The following CSMD3 variants were observed in gnomAD, a reference collection of about 807,000 sequenced individuals.
The protein encoded by CSMD3 is CUB and Sushi multiple domains 3.
In CSMD3, 177 loss-of-function variants were observed where a neutral mutation model predicts 435.2. The ratio of observed to expected loss-of-function variants is 0.41; its 90% CI spans 0.36 to 0.46. CSMD3 has a LOEUF of 0.46. Among genes scored for constraint, CSMD3 ranks in the 20% least tolerant of loss-of-function variants. The probability of loss-of-function intolerance (pLI) is 0.34; values close to 1 mark genes in which losing one functional copy is unlikely to be tolerated. For synonymous variants in CSMD3, 1,656 were observed against 1,520.5 expected, an observed-to-expected ratio of 1.09 and a Z score of -2.07; for missense variants, 4,265 against 4,504.6, an observed-to-expected ratio of 0.95 and a Z score of 1.52.
chr8:112,994,032 A>G (rs1476474229), intron 6 of CSMD3, among the ~76,000 whole-genome samples: 1 of 151,838 alleles, frequency 6.6e-6, no homozygotes, highest in Non-Finnish European at 1.5e-5. Flanking sequence ...AATGGGTTGT[A>G]GAGAGGCAAT....
chr8:112,880,557 G>A (rs1220499712), intron 10 of CSMD3, among the ~76,000 whole-genome samples: 1 of 152,002 alleles, frequency 6.6e-6, no homozygotes, highest in African/African-American at 2.4e-5. Context: ...CTTCTAGGCA[G>A]GGGGAAAGAC....
intron 16 of CSMD3, among the ~76,000 whole-genome samples, chr8:112,666,879 C>A (rs1022423419): frequency 2.6e-5 from 4 of 152,088 alleles, no homozygotes; most frequent in African/African-American, 9.7e-5. Flanking sequence ...TACCTTATTT[C>A]TCATCTGCTA....
intron 59 of CSMD3, among the ~76,000 whole-genome samples, chr8:112,270,354 G>GTT (rs1817369054): frequency 1.0e-5 from 1 of 96,070 alleles, no homozygotes; most frequent in Non-Finnish European, 1.9e-5. Context: ...GTGTGTGTGT[G>GTT]TGTGTGTGTG....
At chr8:113,239,177 G>T (rs1162321111) in intron 3 of CSMD3, among the ~76,000 whole-genome samples, 1 of 152,038 alleles carries the variant, frequency 6.6e-6, no homozygotes, top group South Asian at 2.1e-4. Flanking sequence ...CAGCTCTCAT[G>T]GTTATCAGGA....
intron 14 of CSMD3, among the ~76,000 whole-genome samples, chr8:112,687,202 A>G (rs2076032044): frequency 6.6e-6 from 1 of 152,020 alleles, no homozygotes; most frequent in Non-Finnish European, 1.5e-5. Flanking sequence ...CACCCGTAAC[A>G]GTATAAAATA....
intron 10 of CSMD3, among the ~76,000 whole-genome samples, chr8:112,911,830 A>G (rs1398041728): frequency 6.8e-6 from 1 of 147,892 alleles, no homozygotes; most frequent in Non-Finnish European, 1.5e-5. Flanking sequence ...TATAACATAT[A>G]TACATTATAT....
chr8:112,787,994 T>C (rs1005599440), intron 13 of CSMD3, among the ~76,000 whole-genome samples: 1 of 152,158 alleles, frequency 6.6e-6, no homozygotes, highest in African/African-American at 2.4e-5. Context: ...TTTGAAGTGA[T>C]GGATACCCCA....
chr8:113,221,438 G>A (rs2092965434), intron 3 of CSMD3, among the ~76,000 whole-genome samples: 1 of 150,232 alleles, frequency 6.7e-6, no homozygotes, highest in Admixed American at 6.7e-5. Flanking sequence ...GTAGATAATA[G>A]GTCAATCTGA....
chr8:112,328,857 C>G (rs147506681), intron 45 of CSMD3, among the ~76,000 whole-genome samples: 1 of 152,252 alleles, frequency 6.6e-6, no homozygotes, highest in African/African-American at 2.4e-5. Context: ...CTGAGGCCTT[C>G]CCAGTCATAT....
chr8:112,485,529 G>T (rs528747223), intron 31 of CSMD3, among the ~76,000 whole-genome samples: 1 of 152,116 alleles, frequency 6.6e-6, no homozygotes, highest in South Asian at 2.1e-4. Flanking sequence ...AAAAAATTTT[G>T]TAAACCTCAA....
chr8:113,339,278 C>A (rs2094100638), intron 1 of CSMD3, among the ~76,000 whole-genome samples: 1 of 151,820 alleles, frequency 6.6e-6, no homozygotes, highest in African/African-American at 2.4e-5. Context: ...ATATAAATGT[C>A]TCATTGTCTT....
chr8:112,425,802 CTGTG>C (rs1396995535), intron 32 of CSMD3, among the ~76,000 whole-genome samples: 1 of 151,888 alleles, frequency 6.6e-6, no homozygotes, highest in Non-Finnish European at 1.5e-5. Flanking sequence ...TTATTAAACT[CTGTG>C]TGTGTGTTAA....
At chr8:112,509,443 C>T (rs1822871134) in intron 28 of CSMD3, among the ~76,000 whole-genome samples, 2 of 152,210 alleles carry the variant, frequency 1.3e-5, no homozygotes, top group East Asian at 1.9e-4. Flanking sequence ...TCAACCATTG[C>T]CCCAATACAA....
intron 22 of CSMD3, among the ~76,000 whole-genome samples, chr8:112,592,027 G>A (rs1284410819): frequency 6.6e-6 from 1 of 151,804 alleles, no homozygotes; most frequent in Non-Finnish European, 1.5e-5. Context: ...TTTTTAAAAT[G>A]GGGCATCTAA....
At chr8:112,504,001 A>T in intron 29 of CSMD3, 24 bp from the exon 30 acceptor site, 2 of 1,420,090 alleles carry the variant, frequency 1.4e-6, no homozygotes, top group East Asian at 2.3e-5. Flanking sequence ...GGAAAGAACA[A>T]AAGAAAGAAA....
In CSMD3 at chr8:113,436,917, G is replaced by A. The variant is rs2130161588; in HGVS notation, c.-63C>T. On this transcript the variant is annotated 5_prime_UTR_variant, in exon 1 of 71. Transcript: ENST00000297405. ...GCGCAGTGGAGTTGTTGCTGTTGTT[G>A]GTGCGCGGTCACAGCTCGGAGTGAA... The A allele has an allele frequency of 6.3e-7, 1 of 1,586,762 alleles. No individual in the cohort carries two copies. Among genetic ancestry groups the A allele is most frequent in the Non-Finnish European group, 8.6e-7 (1 of 1,157,694 alleles).
At chr8:113,212,385 G>A (rs2092847203) in intron 3 of CSMD3, among the ~76,000 whole-genome samples, 1 of 152,042 alleles carries the variant, frequency 6.6e-6, no homozygotes, top group Non-Finnish European at 1.5e-5. Context: ...TAATTCATTT[G>A]CAAATAATTC....
chr8:113,078,047 A>G (rs2089417887), intron 5 of CSMD3, among the ~76,000 whole-genome samples: 1 of 152,198 alleles, frequency 6.6e-6, no homozygotes, highest in South Asian at 2.1e-4. Flanking sequence ...ACATGAGTAT[A>G]CCCAGGGCAA....
chr8:112,500,645 G>A (rs1821844494), intron 30 of CSMD3, among the ~76,000 whole-genome samples: 1 of 152,140 alleles, frequency 6.6e-6, no homozygotes, highest in Non-Finnish European at 1.5e-5. Context: ...CAGATAGTAA[G>A]GTTTTCCTTT....
Sources: allele counts gnomAD v4.1 joint callset (sites outside exome capture counted in the v4.1 genomes callset), GRCh38; gene constraint gnomAD v4.1.1; transcripts MANE v1.5; gene names NCBI Gene and HGNC (gene_info 2026-07-23, HGNC 2026-07-21).